Variants in ATAD2 observed in about 807,000 individuals in gnomAD.
ATAD2 encodes ATPase family AAA domain containing 2.
In ATAD2, 62 loss-of-function variants were observed where a neutral mutation model predicts 168.9. That is an observed-to-expected ratio of 0.37 (90% CI 0.30 to 0.45). The LOEUF (loss-of-function observed/expected upper bound fraction) is 0.45, where lower values mean the gene tolerates loss of function less well. Ranked by LOEUF, ATAD2 falls within the 20% of genes least tolerant of loss-of-function variation. ATAD2 has a pLI of 1.00. For synonymous variants in ATAD2, 613 were observed against 571.6 expected (o/e 1.07, Z -1.03); for missense variants, 1,419 against 1,667.8 (o/e 0.85, Z 2.60).
intron 1 of ATAD2, among the ~76,000 whole-genome samples, chr8:123,382,386 T>G (rs866457766): frequency 1.3e-5 from 2 of 152,254 alleles, no homozygotes; most frequent in African/African-American, 2.4e-5. Flanking sequence ...TCTTTATCAA[T>G]GTACCTATAT....
At chr8:123,404,567 T>C (rs917136154) in intron 1 of ATAD2, among the ~76,000 whole-genome samples, 30 of 137,120 alleles carry the variant, frequency 2.2e-4, no homozygotes, top group Non-Finnish European at 3.4e-4. Flanking sequence ...TTCTCTCTCT[T>C]TTTTTTTTTT....
At chr8:123,388,972 CTT>C (rs530665232) in intron 1 of ATAD2, among the ~76,000 whole-genome samples, 7 of 143,906 alleles carry the variant, frequency 4.9e-5, no homozygotes, top group South Asian at 2.2e-4. Flanking sequence ...TCTTCTCTCT[CTT>C]TTTTTTTTTT....
intron 26 of ATAD2, 68 bp downstream of exon 26, chr8:123,325,825 A>C: frequency 6.4e-7 from 1 of 1,559,744 alleles, no homozygotes; most frequent in East Asian, 2.3e-5. Context: ...GAATGCTACT[A>C]GTCACAAGCC....
At chr8:123,354,570 G>A (rs577924289) in intron 13 of ATAD2, among the ~76,000 whole-genome samples, 52 of 151,890 alleles carry the variant, frequency 3.4e-4, no homozygotes, top group African/African-American at 1.2e-3. Flanking sequence ...GGCTGGGTGC[G>A]GTGGCTCACA....
intron 18 of ATAD2, among the ~76,000 whole-genome samples, 165 bp downstream of exon 18, chr8:123,345,921 T>C (rs1828224561): frequency 6.6e-6 from 1 of 152,206 alleles, no homozygotes; most frequent in Non-Finnish European, 1.5e-5. Context: ...ATGTGGGATT[T>C]AAAGTCATTC....
rs1827435033 is a variant in ATAD2, at chr8:123,320,432, A to G, written c.*702T>C. On this transcript the variant is annotated 3_prime_UTR_variant, in exon 28 of 28. Transcript: ENST00000287394. ...CTTGCAAATATAAAAACCTTGTGCT[A>G]TTAAAAGGTGTTTAACAAGGTAGTT... The G allele has an allele frequency of 6.6e-6, 1 of 152,194 alleles. No individual in the cohort carries two copies. The highest frequency in any genetic ancestry group is 2.1e-4 in the South Asian group (1 of 4,832). 9.4% of individuals were successfully genotyped at this position (152,194 alleles called of 1,614,324 possible).
chr8:123,349,204 C>T, intron 14 of ATAD2, 81 bp downstream of exon 14: 3 of 1,410,598 alleles, frequency 2.1e-6, no homozygotes, highest in Non-Finnish European at 2.9e-6. Context: ...TCAAGAATCT[C>T]CAAATTTTTA....
rs772973619 is a variant in ATAD2 at position 123,371,186 on chromosome 8, A to G, written c.639+50T>C. 2.7e-6 allele frequency: 4 copies of G among 1,456,846 alleles called. No homozygotes were observed. The Admixed American group carries it at 6.3e-5, about 23-fold the overall frequency. The allele number at this position is 1,456,846 out of a possible 1,614,324, so 90.2% of individuals were successfully genotyped here. ...TGAAAAATGGATTAGGTACTATAAA[A>G]AAATTAAACTGGATATTAAATCATT... On this transcript the variant is annotated intron_variant, in intron 5 of 27. Coordinates refer to ENST00000287394, the MANE Select transcript of ATAD2 (RefSeq NM_014109.4).
At position 123,396,396 on chromosome 8, in the gene ATAD2, G is replaced by C. The variant is rs371868077; in HGVS notation, c.-39C>G. On this transcript the variant is annotated 5_prime_UTR_variant, in exon 1 of 28. Coordinates refer to ENST00000287394, the MANE Select transcript of ATAD2 (RefSeq NM_014109.4). ...TGGCCTCGGCGTGCGCGACCGGAGA[G>C]AGATCCAGCTCCAGGCGCTCGCAGC... The C allele has an allele frequency of 3.3e-6, 5 of 1,523,208 alleles. No individual in the cohort carries two copies. The highest frequency in any genetic ancestry group is 3.5e-6 in the Non-Finnish European group (4 of 1,137,250). 94.4% of individuals were successfully genotyped at this position (1,523,208 alleles called of 1,614,324 possible).
intron 1 of ATAD2, among the ~76,000 whole-genome samples, chr8:123,414,466 T>C (rs1305706863): frequency 6.6e-6 from 1 of 152,158 alleles, no homozygotes; most frequent in Non-Finnish European, 1.5e-5. Context: ...TAAAGAACTA[T>C]TAATTATGTT....
intron 2 of ATAD2, among the ~76,000 whole-genome samples, chr8:123,375,964 G>C (rs531039359): frequency 6.6e-6 from 1 of 152,242 alleles, no homozygotes; most frequent in East Asian, 1.9e-4. Flanking sequence ...AAATTGGCTG[G>C]GCGTGGTGGC....
At chr8:123,396,657 TTTC>T (rs1362779484), upstream of ATAD2, among the ~76,000 whole-genome samples, 3 of 152,230 alleles carry the variant, frequency 2.0e-5, no homozygotes, top group African/African-American at 4.8e-5. Context: ...CTGACTTCTT[TTTC>T]TTCACATAGT....
At chr8:123,399,507 G>A (rs1812970070), upstream of ATAD2, among the ~76,000 whole-genome samples, 1 of 152,116 alleles carries the variant, frequency 6.6e-6, no homozygotes, top group Non-Finnish European at 1.5e-5. Context: ...ATGAAACAGG[G>A]TCATGTGATA....
At chr8:123,336,300 G>A in intron 22 of ATAD2, 73 bp downstream of exon 22, 1 of 1,322,676 alleles carries the variant, frequency 7.6e-7, no homozygotes, top group South Asian at 1.4e-5. Context: ...TATAGCACCT[G>A]ACACAAAAAT....
At chr8:123,401,536 G>A in intron 1 of ATAD2, 1 of 1,558,234 alleles carries the variant, frequency 6.4e-7, no homozygotes, top group Non-Finnish European at 8.7e-7. Flanking sequence ...GACGGGCTGT[G>A]TGTGGGCATA....
At chr8:123,323,616 A>T (rs181052285) in intron 26 of ATAD2, among the ~76,000 whole-genome samples, 66 of 152,268 alleles carry the variant, frequency 4.3e-4, no homozygotes, top group African/African-American at 1.3e-3. Context: ...TTACCTCATA[A>T]TTAACAAAAA....
chr8:123,342,267 A>T (rs1233963910), intron 19 of ATAD2: 1 of 152,228 alleles, frequency 6.6e-6, no homozygotes, highest in Non-Finnish European at 1.5e-5. Flanking sequence ...TAATGAATAT[A>T]CCATATCCTG....
intron 1 of ATAD2, chr8:123,401,683 G>A: frequency 1.3e-6 from 1 of 773,782 alleles, no homozygotes; most frequent in Non-Finnish European, 2.3e-6. Flanking sequence ...TGACTGTGGG[G>A]CACGTCAAGG....
At chr8:123,389,723 C>T (rs1829760985) in intron 1 of ATAD2, among the ~76,000 whole-genome samples, 1 of 151,512 alleles carries the variant, frequency 6.6e-6, no homozygotes, top group Admixed American at 6.6e-5. Flanking sequence ...TGTGTTCAAA[C>T]AACTCTCAGA....
Sources: allele counts gnomAD v4.1 joint callset (sites outside exome capture counted in the v4.1 genomes callset), GRCh38; gene constraint gnomAD v4.1.1; transcripts MANE v1.5; gene names NCBI Gene and HGNC (gene_info 2026-07-23, HGNC 2026-07-21).